GSTA3: variants seen among roughly 807,000 people sequenced by gnomAD.
GSTA3 encodes glutathione S-transferase alpha 3.
A neutral mutation model predicts 23.1 loss-of-function variants in GSTA3; 16 were observed. The observed-to-expected ratio is 0.69, with a 90% CI of 0.47 to 1.05. The LOEUF (loss-of-function observed/expected upper bound fraction) is 1.05. GSTA3 is among the 50% of genes least tolerant of loss of function. GSTA3 has a pLI of 0.00. For missense variants in GSTA3, 319 were observed against 263.6 expected (o/e 1.21, Z -1.46); for synonymous variants, 122 against 91.0 (o/e 1.34, Z -1.94).
chr6:52,906,776 C>A (rs572113651), intron 1 of GSTA3, among the ~76,000 whole-genome samples: 1 of 150,814 alleles, frequency 6.6e-6, no homozygotes, highest in Non-Finnish European at 1.5e-5. Flanking sequence ...AAAGCTGAAA[C>A]TGGATCCCTT....
At chr6:52,909,526 C>T (rs1027305730) in intron 1 of GSTA3, 115 bp downstream of exon 1, 6 of 152,186 alleles carry the variant, frequency 3.9e-5, no homozygotes, top group Non-Finnish European at 5.9e-5. Context: ...CTCCTAAGCA[C>T]ACAGAAAAAC....
At chr6:52,906,711 G>A (rs898811459) in intron 1 of GSTA3, among the ~76,000 whole-genome samples, 2 of 151,576 alleles carry the variant, frequency 1.3e-5, no homozygotes, top group African/African-American at 4.9e-5. Flanking sequence ...AAGCAATGGG[G>A]AAAGGATTCC....
Position 52,905,654 on chromosome 6 carries a change from C to A in GSTA3, c.87+94G>T, listed in dbSNP as rs946057757. On this transcript the variant is annotated intron_variant, in intron 2 of 6. Coordinates refer to ENST00000211122, the MANE Select transcript of GSTA3 (RefSeq NM_000847.5). The stretch of plus-strand genomic sequence containing the variant: ...TGCTTTTATTTGAGGCCAAAATATT[C>A]ACAGGTCATCTAGTATGGAAGTCTC... 1.3e-5 allele frequency: 9 copies of A among 675,546 alleles called. No homozygotes were observed. In the East Asian group the frequency reaches 2.7e-4, roughly 20 times the overall value. 41.8% of individuals were successfully genotyped at this position (675,546 alleles called of 1,614,324 possible).
intron 5 of GSTA3, 34 bp downstream of exon 5, chr6:52,899,900 T>C (rs745460808): frequency 1.2e-6 from 2 of 1,611,458 alleles, no homozygotes; most frequent in Non-Finnish European, 1.7e-6. Context: ...GCCTCTAAAC[T>C]CAGTGCCCCA....
At chr6:52,899,685 T>G (rs1448057284) in intron 5 of GSTA3, among the ~76,000 whole-genome samples, 1 of 152,220 alleles carries the variant, frequency 6.6e-6, no homozygotes, top group African/African-American at 2.4e-5. Flanking sequence ...AACATAAAAT[T>G]GTTGAATAGA....
chr6:52,901,294 C>T (rs1221189057), intron 4 of GSTA3, among the ~76,000 whole-genome samples: 1 of 152,204 alleles, frequency 6.6e-6, no homozygotes, highest in Non-Finnish European at 1.5e-5. Flanking sequence ...AACCCCAAAC[C>T]TTTTAGCTTC....
intron 4 of GSTA3, 100 bp downstream of exon 4, chr6:52,902,246 G>T (rs1284790750): frequency 2.2e-5 from 32 of 1,457,550 alleles, no homozygotes; most frequent in Non-Finnish European, 2.9e-5. Context: ...GGCCCAGCCT[G>T]CTCCTGGTCA....
At chr6:52,899,240 A>C (rs1765584162) in intron 5 of GSTA3, among the ~76,000 whole-genome samples, 2 of 152,146 alleles carry the variant, frequency 1.3e-5, no homozygotes, top group African/African-American at 4.8e-5. Flanking sequence ...TAAAAGTAGA[A>C]GGCAAAAAAT....
chr6:52,897,219 A>C (rs1765478028), intron 6 of GSTA3, among the ~76,000 whole-genome samples: 1 of 152,252 alleles, frequency 6.6e-6, no homozygotes, highest in African/African-American at 2.4e-5. Flanking sequence ...ACAAGAAAAA[A>C]TAATGTGCCT....
At position 52,896,945 on chromosome 6, in the gene GSTA3, A is replaced by C. The variant is rs759509466; in HGVS notation, c.547-17T>G. On this transcript the variant is annotated splice_polypyrimidine_tract_variant and intron_variant, in intron 6 of 6. Coordinates refer to ENST00000211122, the MANE Select transcript of GSTA3 (RefSeq NM_000847.5). ...TTTCAGGGCCTGTAATTCACAAAGC[A>C]CAGCCTCAGAGTGAAGCCAAGGTCT... 2 of 1,613,578 alleles carry C rather than the reference A, an allele frequency of 1.2e-6. No individual in the cohort carries two copies. Among genetic ancestry groups the C allele is most frequent in the East Asian group, 2.2e-5 (1 of 44,882 alleles).
intron 1 of GSTA3, among the ~76,000 whole-genome samples, 165 bp from the exon 2 acceptor site, chr6:52,906,020 G>A (rs1159390154): frequency 6.6e-6 from 1 of 152,178 alleles, no homozygotes; most frequent in Admixed American, 6.5e-5. Flanking sequence ...CAACACCAAT[G>A]TGACTTCACA....
At chr6:52,908,656 T>G (rs1335328290) in intron 1 of GSTA3, among the ~76,000 whole-genome samples, 2 of 152,208 alleles carry the variant, frequency 1.3e-5, no homozygotes, top group Non-Finnish European at 2.9e-5. Context: ...ACATCGTGAC[T>G]ACACAAAAAA....
In GSTA3 at chr6:52,897,906, C is replaced by G. The variant is rs764175213; in HGVS notation, c.465G>C (p.Arg155=). 6.2e-7 allele frequency: 1 copy of G among 1,614,004 alleles called. No homozygotes were observed. The highest frequency in any genetic ancestry group is 2.2e-5 in the East Asian group (1 of 44,868). The change falls in exon 6 of 7, where the codon CGG becomes CGC. Residue 155 remains arginine, a synonymous_variant. Coordinates refer to ENST00000211122, the MANE Select transcript of GSTA3 (RefSeq NM_000847.5). ...QDYLVGNKLS[R]ADISLVELLY... is the part of the protein sequence containing the mutation. ...GAAGTTCCACCAGGCTAATGTCAGC[C>G]CGGCTCAGCTTGTTGCCAACAAGGT...
At chr6:52,908,530 T>C (rs1470574493) in intron 1 of GSTA3, among the ~76,000 whole-genome samples, 1 of 151,802 alleles carries the variant, frequency 6.6e-6, no homozygotes, top group African/African-American at 2.4e-5. Flanking sequence ...ACAAAAAGCA[T>C]GAAAAAAGCC....
In GSTA3 at chr6:52,897,899, T is replaced by C; in HGVS notation, c.472A>G (p.Ile158Val). 1 of 1,613,956 alleles carries C rather than the reference T, an allele frequency of 6.2e-7. No homozygotes were observed. The highest frequency in any genetic ancestry group is 2.2e-5 in the East Asian group (1 of 44,858). Residue 158 changes from isoleucine (I) to valine (V), a missense_variant, in exon 6 of 7, where the codon ATT (isoleucine) becomes GTT (valine). Ile to Val is a conservative substitution (Grantham distance 29). Transcript: ENST00000211122. The part of the protein sequence containing the change: ...LVGNKLSRAD[I>V]SLVELLYYVE... ...TAGTAGAGAAGTTCCACCAGGCTAA[T>C]GTCAGCCCGGCTCAGCTTGTTGCCA... is the stretch of plus-strand genomic sequence containing the variant.
At chr6:52,907,540 A>C (rs1765933597) in intron 1 of GSTA3, among the ~76,000 whole-genome samples, 1 of 150,984 alleles carries the variant, frequency 6.6e-6, no homozygotes, top group Non-Finnish European at 1.5e-5. Flanking sequence ...TTATTGTGGC[A>C]CTATTCACAA....
rs746638972 is a variant in GSTA3 at position 52,902,341 on chromosome 6, C to T, written c.272+5G>A. The stretch of plus-strand genomic sequence containing the variant: ...GTGGATGGAAGAACACAAAATATAC[C>T]GTACAGGGCTCTCTCCTTTATGTCT... On this transcript the variant is annotated splice_donor_5th_base_variant and intron_variant, in intron 4 of 6. Coordinates refer to ENST00000211122, the MANE Select transcript of GSTA3 (RefSeq NM_000847.5). 5.6e-6 allele frequency: 9 copies of T among 1,612,124 alleles called. No individual in the cohort carries two copies. Among genetic ancestry groups the T allele is most frequent in the South Asian group, 4.4e-5 (4 of 90,510 alleles).
chr6:52,897,791 G>A, intron 6 of GSTA3, 34 bp downstream of exon 6: 1 of 1,611,898 alleles, frequency 6.2e-7, no homozygotes, highest in South Asian at 1.1e-5. Context: ...GGGACATGTG[G>A]GGCTGTCTCT....
Position 52,896,840 on chromosome 6 carries a change from G to T in GSTA3, c.635C>A (p.Ala212Asp). 1 of 1,614,060 alleles carries T rather than the reference G, an allele frequency of 6.2e-7. No individual in the cohort carries two copies. The highest frequency in any genetic ancestry group is 1.3e-5 in the African/African-American group (1 of 75,040). The change falls in exon 7 of 7, where the codon GCT (alanine) becomes GAT (aspartate). Residue 212 changes from alanine to aspartate, a missense_variant. By Grantham distance (126) the Ala-to-Asp change is moderately radical. Coordinates refer to ENST00000211122, the MANE Select transcript of GSTA3 (RefSeq NM_000847.5). Reference sequence around the variant, plus strand: ...GAAAATCTTTCTGGCTTCTTCTAAAGCTTTTGCATCTGCGGGAGGCTTCCT... The same window carrying T: ...GAAAATCTTTCTGGCTTCTTCTAAATCTTTTGCATCTGCGGGAGGCTTCCT... ...SPRKPPADAK[A>D]LEEARKIFRF is the part of the protein sequence containing the mutation.
Sources: gnomAD v4.1 joint callset for allele counts (sites outside exome capture counted in the v4.1 genomes callset) on GRCh38, gnomAD v4.1.1 for gene constraint, MANE v1.5 for transcripts, NCBI Gene and HGNC (gene_info 2026-07-23, HGNC 2026-07-21) for gene names.